ZDHHC20: variants seen among roughly 807,000 people sequenced by gnomAD.
ZDHHC20 encodes zDHHC palmitoyltransferase 20.
A neutral mutation model predicts 57.8 loss-of-function variants in ZDHHC20; 43 were observed. That is an observed-to-expected ratio of 0.74 (90% CI 0.58 to 0.96). The LOEUF is 0.96. Among genes scored for constraint, ZDHHC20 ranks in the 40% least tolerant of loss-of-function variants. The probability of loss-of-function intolerance (pLI) is 0.00; values close to 1 mark genes in which losing one functional copy is unlikely to be tolerated. For missense variants in ZDHHC20, 391 were observed against 441.1 expected (o/e 0.89, Z 1.02); for synonymous variants, 157 against 153.0 (o/e 1.03, Z -0.19).
intron 1 of ZDHHC20, among the ~76,000 whole-genome samples, chr13:21,432,806 G>A (rs1241283066): frequency 6.6e-6 from 1 of 152,196 alleles, no homozygotes; most frequent in African/African-American, 2.4e-5. Flanking sequence ...TTTGTATATG[G>A]TACAGGTAAA....
At chr13:21,434,842 C>T (rs1593262229) in intron 1 of ZDHHC20, among the ~76,000 whole-genome samples, 1 of 151,722 alleles carries the variant, frequency 6.6e-6, no homozygotes, top group Admixed American at 6.6e-5. Flanking sequence ...TACAATCAGC[C>T]TTCTATTGAT....
rs548583939 is a variant in ZDHHC20 at position 21,450,139 on chromosome 13, G to A, written c.118+8915C>T. Among the ~76,000 whole-genome samples, 5 of 152,098 alleles carry A rather than the reference G, an allele frequency of 3.3e-5. No individual in the cohort carries two copies. The South Asian group carries it at 1.0e-3, about 31-fold the overall frequency. Reference sequence around the variant, plus strand: ...ACAGCTGTCATTTACTGAGCTATTAGGAGCAGCAGGTTCAAGGGAGAAAAA... The same window carrying A: ...ACAGCTGTCATTTACTGAGCTATTAAGAGCAGCAGGTTCAAGGGAGAAAAA... On this transcript the variant is annotated intron_variant, in intron 1 of 12. Transcript: ENST00000400590.
chr13:21,417,306 C>A (rs1880099886), intron 3 of ZDHHC20, among the ~76,000 whole-genome samples: 1 of 152,020 alleles, frequency 6.6e-6, no homozygotes, highest in South Asian at 2.1e-4. Context: ...TCTGTCTCTA[C>A]CTTTAAGCCT....
intron 7 of ZDHHC20, among the ~76,000 whole-genome samples, chr13:21,398,692 T>G (rs973999255): frequency 6.6e-6 from 1 of 152,204 alleles, no homozygotes; most frequent in African/African-American, 2.4e-5. Flanking sequence ...ATAAGATTTG[T>G]AAAGATGTTG....
intron 2 of ZDHHC20, 76 bp from the exon 3 acceptor site, chr13:21,421,240 A>C: frequency 2.6e-6 from 3 of 1,169,744 alleles, no homozygotes; most frequent in Non-Finnish European, 2.5e-6. Flanking sequence ...AAACACAATA[A>C]TTGGGTCAGG....
chr13:21,401,360 A>G (rs1877599524), intron 6 of ZDHHC20, among the ~76,000 whole-genome samples: 2 of 152,236 alleles, frequency 1.3e-5, no homozygotes, highest in African/African-American at 4.8e-5. Flanking sequence ...GAAATGGGTC[A>G]TCTGGGAAGT....
At chr13:21,408,120 C>T (rs1466118986) in intron 4 of ZDHHC20, among the ~76,000 whole-genome samples, 3 of 152,010 alleles carry the variant, frequency 2.0e-5, no homozygotes, top group Non-Finnish European at 2.9e-5. Flanking sequence ...TTTGGTTCCA[C>T]ATGAAATTTA....
rs538455326 is a variant in ZDHHC20, at chr13:21,400,969, A to G, written c.474-476T>C. 4.1e-4 allele frequency among the ~76,000 whole-genome samples: 63 copies of G among 152,110 alleles called. 1 individual carries two copies. The South Asian group carries it at 0.012, about 30-fold the overall frequency. On this transcript the variant is annotated intron_variant, in intron 6 of 12. Coordinates refer to ENST00000400590, the MANE Select transcript of ZDHHC20 (RefSeq NM_001330059.2). ...CTTCGATGTTTTTTAAAACAATTAA[A>G]ACATAATAATTAAAAAAAATAAATT... is the stretch of plus-strand genomic sequence containing the variant.
chr13:21,453,958 C>A (rs952655218), intron 1 of ZDHHC20, among the ~76,000 whole-genome samples: 1 of 152,136 alleles, frequency 6.6e-6, no homozygotes, highest in Admixed American at 6.5e-5. Flanking sequence ...GGTATTCTCC[C>A]GTCTCAGCCT....
chr13:21,387,470 G>A, intron 9 of ZDHHC20, 38 bp downstream of exon 9: 3 of 1,425,792 alleles, frequency 2.1e-6, no homozygotes, highest in Non-Finnish European at 2.8e-6. Context: ...GACTACCACA[G>A]ATGCCATAAT....
intron 11 of ZDHHC20, 45 bp from the exon 12 acceptor site, chr13:21,378,783 A>AAAG: frequency 8.6e-7 from 1 of 1,162,784 alleles, no homozygotes; most frequent in Non-Finnish European, 1.2e-6. Flanking sequence ...AAAAAAAAAA[A>AAAG]AAGAAGTATT....
At position 21,413,775 on chromosome 13, in the gene ZDHHC20, A is replaced by G. The variant is rs1879553214; in HGVS notation, c.250-3T>C. 1 of 1,604,650 alleles carries G rather than the reference A, an allele frequency of 6.2e-7. No homozygotes were observed. Among genetic ancestry groups the G allele is most frequent in the Non-Finnish European group, 8.5e-7 (1 of 1,176,230 alleles). ...TTTTCAGAATTGGACAAGTAGAACT[A>G]TAAAAGGAAAGAGGACTATTAAATT... On this transcript the variant is annotated splice_polypyrimidine_tract_variant and splice_region_variant and intron_variant, in intron 3 of 12. Transcript: ENST00000400590.
At chr13:21,445,466 C>A (rs1883596051) in intron 1 of ZDHHC20, among the ~76,000 whole-genome samples, 1 of 152,156 alleles carries the variant, frequency 6.6e-6, no homozygotes, top group African/African-American at 2.4e-5. Flanking sequence ...AACGGGCATA[C>A]AATAAACAAT....
chr13:21,396,279 A>AT (rs2137764362), intron 7 of ZDHHC20, among the ~76,000 whole-genome samples: 1 of 152,314 alleles, frequency 6.6e-6, no homozygotes, highest in African/African-American at 2.4e-5. Context: ...CAAAACCTAC[A>AT]TTGTAAAACA....
intron 9 of ZDHHC20, 123 bp from the exon 10 acceptor site, chr13:21,383,132 T>A: frequency 1.2e-6 from 1 of 864,740 alleles, no homozygotes; most frequent in Non-Finnish European, 1.8e-6. Context: ...AGGAAGTAAC[T>A]CCTAAAATTT....
chr13:21,413,073 T>C (rs575359840), intron 4 of ZDHHC20, among the ~76,000 whole-genome samples: 3 of 151,648 alleles, frequency 2.0e-5, no homozygotes, highest in South Asian at 4.2e-4. Context: ...CAGCCACTTA[T>C]AGACTCTTCC....
intron 11 of ZDHHC20, among the ~76,000 whole-genome samples, chr13:21,380,067 G>A (rs191812741): frequency 2.0e-5 from 3 of 151,254 alleles, no homozygotes; most frequent in East Asian, 2.0e-4. Context: ...CGCCTGCCTC[G>A]GCCTCCCAAA....
At chr13:21,411,433 T>TA (rs1269774800) in intron 4 of ZDHHC20, among the ~76,000 whole-genome samples, 1 of 152,236 alleles carries the variant, frequency 6.6e-6, no homozygotes, top group Non-Finnish European at 1.5e-5. Flanking sequence ...TAAAGGACCT[T>TA]AGAGATTTCC....
chr13:21,396,705 T>C (rs1876837053), intron 7 of ZDHHC20, among the ~76,000 whole-genome samples: 1 of 151,992 alleles, frequency 6.6e-6, no homozygotes, highest in Non-Finnish European at 1.5e-5. Flanking sequence ...TGGTGGTGCA[T>C]GCCTGTAGTC....
Sources: gnomAD v4.1 joint callset for allele counts (sites outside exome capture counted in the v4.1 genomes callset) on GRCh38, gnomAD v4.1.1 for gene constraint, MANE v1.5 for transcripts, NCBI Gene and HGNC (gene_info 2026-07-23, HGNC 2026-07-21) for gene names.